The following OSTN variants were observed in gnomAD, a reference collection of about 807,000 sequenced individuals.
OSTN encodes the protein osteocrin.
Under a neutral mutation model 12.0 loss-of-function variants are expected in OSTN, and 9 were observed. That is an observed-to-expected ratio of 0.75 (90% CI 0.45 to 1.30). The LOEUF is 1.30. OSTN is among the 50% of genes most tolerant of loss of function. The pLI, the probability that OSTN is intolerant of heterozygous loss-of-function variation, is 0.00. For synonymous variants in OSTN, 59 were observed against 56.9 expected (o/e 1.04, Z -0.16); for missense variants, 148 against 152.3 (o/e 0.97, Z 0.15).
chr3:191,253,630 G>A (rs557205775), intron 4 of OSTN, among the ~76,000 whole-genome samples: 4 of 152,178 alleles, frequency 2.6e-5, no homozygotes, highest in Non-Finnish European at 5.9e-5. Flanking sequence ...GGCTAGCAAA[G>A]GTGGATTTGT....
At chr3:191,250,626 C>T (rs771623902) in intron 4 of OSTN, among the ~76,000 whole-genome samples, 2 of 152,112 alleles carry the variant, frequency 1.3e-5, no homozygotes, top group African/African-American at 2.4e-5. Context: ...TTATCCAAAT[C>T]CTGATTCTTT....
intron 4 of OSTN, among the ~76,000 whole-genome samples, chr3:191,256,847 A>G (rs545265562): frequency 6.6e-6 from 1 of 152,244 alleles, no homozygotes; most frequent in South Asian, 2.1e-4. Context: ...ATTTAAAACA[A>G]TCCTTAAAAC....
chr3:191,262,983 C>A lies in OSTN; in HGVS notation c.*130C>A. ...GACCTTCTGCAAATCCTTTCCAAAG[C>A]TTGAACTTCAGTCCATCACATTACA... is the stretch of plus-strand genomic sequence containing the variant. On this transcript the variant is annotated 3_prime_UTR_variant, in exon 5 of 5. Transcript: ENST00000682035. 3.0e-6 allele frequency: 2 copies of A among 665,770 alleles called. No individual in the cohort carries two copies. The highest frequency in any genetic ancestry group is 5.5e-6 in the Non-Finnish European group (2 of 361,930). The allele number at this position is 665,770 out of a possible 1,614,324, so 41.2% of individuals were successfully genotyped here.
chr3:191,263,051 G>A lies in OSTN; in HGVS notation c.*198G>A. Reference sequence around the variant, plus strand: ...ATTAAATTGTGTAAATCATTTTGATGCACGTACATTTTAAAATTATATATT... The same window carrying A: ...ATTAAATTGTGTAAATCATTTTGATACACGTACATTTTAAAATTATATATT... On this transcript the variant is annotated 3_prime_UTR_variant, in exon 5 of 5. Coordinates refer to ENST00000682035, the MANE Select transcript of OSTN (RefSeq NM_198184.2). 1.9e-6 allele frequency: 1 copy of A among 515,716 alleles called. No homozygotes were observed. Among genetic ancestry groups the A allele is most frequent in the Non-Finnish European group, 3.4e-6 (1 of 290,120 alleles). The allele number at this position is 515,716 out of a possible 1,614,324, so 31.9% of individuals were successfully genotyped here. A position where few individuals can be genotyped will look rare whatever the true frequency, so the allele number is the denominator to read the frequency against.
At chr3:191,238,179 A>C (rs1027484966) in intron 3 of OSTN, among the ~76,000 whole-genome samples, 32 of 152,300 alleles carry the variant, frequency 2.1e-4, no homozygotes, top group African/African-American at 7.2e-4. Flanking sequence ...AAAGGGATAC[A>C]GTGTTAATCA....
chr3:191,208,807 G>A (rs1250141892), intron 1 of OSTN, among the ~76,000 whole-genome samples: 2 of 152,166 alleles, frequency 1.3e-5, no homozygotes, highest in Non-Finnish European at 2.9e-5. Context: ...AGCAAGAAAG[G>A]AAAACATAAA....
chr3:191,252,016 C>T (rs34750779), intron 4 of OSTN, among the ~76,000 whole-genome samples: 15,294 of 152,168 alleles, frequency 0.1, 2,096 homozygotes, highest in African/African-American at 0.31. Flanking sequence ...TCAACCACAA[C>T]GAGTTATGTT....
At chr3:191,218,528 CAGG>C (rs1257291780) in intron 2 of OSTN, among the ~76,000 whole-genome samples, 2 of 152,064 alleles carry the variant, frequency 1.3e-5, no homozygotes, top group African/African-American at 4.8e-5. Context: ...GAAGCCGAAG[CAGG>C]AGAATTGCTT....
chr3:191,250,134 G>T lies in OSTN; in HGVS notation c.*12+1G>T, dbSNP rs377475129. 3.8e-6 allele frequency: 6 copies of T among 1,583,134 alleles called. No individual in the cohort carries two copies. Among genetic ancestry groups the T allele is most frequent in the Non-Finnish European group, 4.3e-6 (5 of 1,151,902 alleles). ...TTCCAGAGGCTAATTGATTCCAATTGTGAGTACAATTTGAATAAGTAACAG... is the reference window on the plus strand; with the variant it reads ...TTCCAGAGGCTAATTGATTCCAATTTTGAGTACAATTTGAATAAGTAACAG... On this transcript the variant is annotated splice_donor_variant, in intron 4 of 4. Transcript: ENST00000682035. LOFTEE classifies it low-confidence loss of function (3UTR_SPLICE).
At chr3:191,227,538 A>G (rs929702874) in intron 3 of OSTN, among the ~76,000 whole-genome samples, 26 of 152,350 alleles carry the variant, frequency 1.7e-4, no homozygotes, top group African/African-American at 6.3e-4. Context: ...GAAAGCACGC[A>G]TAAGGCTATT....
chr3:191,230,595 T>C (rs1410960737), intron 3 of OSTN, among the ~76,000 whole-genome samples: 1 of 148,562 alleles, frequency 6.7e-6, no homozygotes, highest in South Asian at 2.1e-4. Context: ...AAAGACACAT[T>C]CTTAAAAGGG....
intron 4 of OSTN, among the ~76,000 whole-genome samples, chr3:191,256,146 T>C (rs1379499692): frequency 9.2e-5 from 14 of 152,012 alleles, no homozygotes; most frequent in Admixed American, 7.9e-4. Context: ...TATAACAATT[T>C]AACATAATAA....
chr3:191,249,280 G>C (rs1338440797), intron 3 of OSTN, among the ~76,000 whole-genome samples: 1 of 152,038 alleles, frequency 6.6e-6, no homozygotes, highest in Non-Finnish European at 1.5e-5. Flanking sequence ...TCTCTTGTTA[G>C]GATTTTGGCT....
chr3:191,205,038 CAAATT>C (rs1404791155), intron 1 of OSTN, among the ~76,000 whole-genome samples: 3 of 152,002 alleles, frequency 2.0e-5, no homozygotes, highest in Non-Finnish European at 4.4e-5. Flanking sequence ...TAATAAAACA[CAAATT>C]AAAAAGGTGT....
chr3:191,233,665 A>G (rs2108542719), intron 3 of OSTN, among the ~76,000 whole-genome samples: 1 of 152,260 alleles, frequency 6.6e-6, no homozygotes, highest in South Asian at 2.1e-4. Context: ...TTCTGGAAGA[A>G]TAGTATCTAC....
chr3:191,231,563 T>C (rs1214549549), intron 3 of OSTN, among the ~76,000 whole-genome samples: 1 of 152,214 alleles, frequency 6.6e-6, no homozygotes, highest in East Asian at 1.9e-4. Context: ...TGCTTCCTTA[T>C]GTGTTGTTAG....
chr3:191,215,774 C>G (rs1211296435), intron 2 of OSTN, among the ~76,000 whole-genome samples: 1 of 152,220 alleles, frequency 6.6e-6, no homozygotes, highest in Non-Finnish European at 1.5e-5. Context: ...AGCTCTGCCC[C>G]TGAGGCTTTG....
chr3:191,231,502 T>C (rs923913206), intron 3 of OSTN, among the ~76,000 whole-genome samples: 1 of 152,192 alleles, frequency 6.6e-6, no homozygotes, highest in Middle Eastern at 3.2e-3. Context: ...AGAGCTGTAC[T>C]GAGGGTTATT....
intron 3 of OSTN, among the ~76,000 whole-genome samples, chr3:191,231,668 G>T (rs1445740318): frequency 6.6e-6 from 1 of 152,114 alleles, no homozygotes; most frequent in Non-Finnish European, 1.5e-5. Context: ...CGATTTTCAT[G>T]TATATGCCCT....
Sources: allele counts gnomAD v4.1 joint callset (sites outside exome capture counted in the v4.1 genomes callset), GRCh38; gene constraint gnomAD v4.1.1; transcripts MANE v1.5; gene names NCBI Gene and HGNC (gene_info 2026-07-23, HGNC 2026-07-21).